The following RSU1 variants were observed in gnomAD, a reference collection of about 807,000 sequenced individuals.
RSU1 encodes rsu-1.
RSU1 carries 26 observed loss-of-function variants against 31.1 expected under a neutral mutation model. The ratio of observed to expected loss-of-function variants is 0.84; its 90% CI spans 0.61 to 1.16. The LOEUF is 1.16. Ranked by LOEUF, RSU1 falls within the 50% of genes most tolerant of loss-of-function variation. The probability of loss-of-function intolerance (pLI) is 0.00; values close to 1 mark genes in which losing one functional copy is unlikely to be tolerated. For synonymous variants in RSU1, 164 were observed against 136.3 expected (o/e 1.20, Z -1.41); for missense variants, 320 against 339.1 (o/e 0.94, Z 0.44).
intron 8 of RSU1, among the ~76,000 whole-genome samples, chr10:16,664,703 T>C (rs541998773): frequency 6.6e-6 from 1 of 152,324 alleles, no homozygotes; most frequent in South Asian, 2.1e-4. Context: ...AACTCTACTA[T>C]AATTTAATTA....
intron 8 of RSU1, among the ~76,000 whole-genome samples, chr10:16,688,389 G>A (rs1357927670): frequency 1.3e-5 from 2 of 152,028 alleles, no homozygotes; most frequent in African/African-American, 4.8e-5. Context: ...GACGGGTCAC[G>A]AGGTCAGGAG....
intron 8 of RSU1, among the ~76,000 whole-genome samples, chr10:16,594,770 A>T (rs557466007): frequency 6.9e-6 from 1 of 145,330 alleles, no homozygotes; most frequent in South Asian, 2.1e-4. Context: ...ATTATCTATT[A>T]TATATCATAT....
chr10:16,672,034 C>T (rs902524877), intron 8 of RSU1, among the ~76,000 whole-genome samples: 6 of 150,764 alleles, frequency 4.0e-5, no homozygotes, highest in East Asian at 2.0e-4. Flanking sequence ...CGCGGTGGCT[C>T]ATGCCTGTAA....
At chr10:16,641,502 A>AAAAG (rs1554762078) in intron 8 of RSU1, among the ~76,000 whole-genome samples, 2,416 of 150,858 alleles carry the variant, frequency 0.016, 34 homozygotes, top group Non-Finnish European at 0.026. Flanking sequence ...AAAAAAAAAA[A>AAAAG]AAAAAATTAA....
At chr10:16,799,906 T>A (rs1838115249) in intron 2 of RSU1, among the ~76,000 whole-genome samples, 1 of 152,124 alleles carries the variant, frequency 6.6e-6, no homozygotes, top group South Asian at 2.1e-4. Context: ...ACAGGCTCAC[T>A]AGAGAGATCT....
intron 8 of RSU1, 88 bp downstream of exon 8, chr10:16,694,934 AG>A (rs1477270923): frequency 6.3e-5 from 78 of 1,242,632 alleles, no homozygotes; most frequent in Non-Finnish European, 8.4e-5. Context: ...TGCCATCAAT[AG>A]GATACTGTCA....
chr10:16,792,496 G>A (rs1011492420), intron 2 of RSU1, among the ~76,000 whole-genome samples: 8 of 152,186 alleles, frequency 5.3e-5, no homozygotes, highest in South Asian at 2.1e-4. Flanking sequence ...CTCCCAAAGC[G>A]CTGGGATTAC....
chr10:16,709,680 T>G (rs371148408), intron 7 of RSU1, among the ~76,000 whole-genome samples: 1 of 152,228 alleles, frequency 6.6e-6, no homozygotes, highest in African/African-American at 2.4e-5. Context: ...TTTTTAACGA[T>G]TGCCATTCTA....
intron 7 of RSU1, among the ~76,000 whole-genome samples, chr10:16,734,698 A>G (rs1210572194): frequency 6.6e-6 from 1 of 152,240 alleles, no homozygotes; most frequent in Non-Finnish European, 1.5e-5. Context: ...ACAATGCAAC[A>G]GTATCACAGG....
chr10:16,684,009 G>A (rs1332099498), intron 8 of RSU1, among the ~76,000 whole-genome samples: 1 of 152,196 alleles, frequency 6.6e-6, no homozygotes, highest in African/African-American at 2.4e-5. Context: ...CAAGATTCTT[G>A]AAGTGTCATA....
chr10:16,677,899 C>T (rs1180585592), intron 8 of RSU1, among the ~76,000 whole-genome samples: 1 of 151,944 alleles, frequency 6.6e-6, no homozygotes, highest in African/African-American at 2.4e-5. Context: ...TGGGAATGCA[C>T]AAGAACAGAT....
rs77188976 is a variant in RSU1 at position 16,684,239 on chromosome 10, G to C, written c.731+10784C>G. Reference sequence around the variant, plus strand: ...CAAAGAAACATGTTTTGGGGTAAACGATTTTTATTTTCTTCTTTGTCACAT... The same window carrying C: ...CAAAGAAACATGTTTTGGGGTAAACCATTTTTATTTTCTTCTTTGTCACAT... On this transcript the variant is annotated intron_variant, in intron 8 of 8. Transcript: ENST00000345264. Among the ~76,000 whole-genome samples the C allele has an allele frequency of 2.5e-3, 377 of 152,274 alleles. 3 individuals are homozygous for C. The highest frequency in any genetic ancestry group is 8.5e-3 in the African/African-American group (353 of 41,558).
At chr10:16,763,203 T>TG (rs1331403890) in intron 4 of RSU1, among the ~76,000 whole-genome samples, 1 of 152,148 alleles carries the variant, frequency 6.6e-6, no homozygotes, top group Non-Finnish European at 1.5e-5. Flanking sequence ...CAGTTCCGGT[T>TG]GGGGTCTATG....
Position 16,817,329 on chromosome 10 carries a change from C to T in RSU1, c.-18G>A. 2 of 485,900 alleles carry T rather than the reference C, an allele frequency of 4.1e-6. No homozygotes were observed. Among genetic ancestry groups the T allele is most frequent in the South Asian group, 2.6e-5 (1 of 38,494 alleles). 30.1% of individuals were successfully genotyped at this position (485,900 alleles called of 1,614,324 possible). On this transcript the variant is annotated 5_prime_UTR_variant, in exon 1 of 9. Coordinates refer to ENST00000345264, the MANE Select transcript of RSU1 (RefSeq NM_012425.4). ...CACACACTCACCACGGAAGGTAGCC[C>T]CTAAGACGATGGGCGTGCAACCACA...
intron 7 of RSU1, among the ~76,000 whole-genome samples, chr10:16,724,376 C>G (rs1393421881): frequency 6.6e-6 from 1 of 152,186 alleles, no homozygotes; most frequent in Non-Finnish European, 1.5e-5. Context: ...TCCAACACCA[C>G]AAACTATAAT....
At chr10:16,684,323 C>T (rs890428508) in intron 8 of RSU1, among the ~76,000 whole-genome samples, 1 of 152,048 alleles carries the variant, frequency 6.6e-6, no homozygotes, top group Non-Finnish European at 1.5e-5. Context: ...TAAATAAAAC[C>T]CATCTGATAA....
In RSU1 at chr10:16,724,828, A is replaced by T. The variant is rs117343063; in HGVS notation, c.598+27711T>A. On this transcript the variant is annotated intron_variant, in intron 7 of 8. Transcript: ENST00000345264. ...TAGGGCTGACACACAGATAATTCAC[A>T]TATCATGGGAGCAAGGAAAATGAAT... Among the ~76,000 whole-genome samples the T allele has an allele frequency of 4.1e-3, 622 of 152,372 alleles. 3 individuals are homozygous for T. In the East Asian group the frequency reaches 0.047, roughly 11 times the overall value.
At chr10:16,654,105 C>G (rs901364450) in intron 8 of RSU1, among the ~76,000 whole-genome samples, 1 of 151,770 alleles carries the variant, frequency 6.6e-6, no homozygotes, top group Non-Finnish European at 1.5e-5. Flanking sequence ...CGGGCTCAAG[C>G]GATTCTCTTG....
intron 8 of RSU1, among the ~76,000 whole-genome samples, chr10:16,650,483 C>T (rs1360864433): frequency 1.3e-5 from 2 of 150,128 alleles, no homozygotes; most frequent in Non-Finnish European, 3.0e-5. Context: ...AAGAGACTTA[C>T]AAGTAGACAG....
Sources: gnomAD v4.1 joint callset for allele counts (sites outside exome capture counted in the v4.1 genomes callset) on GRCh38, gnomAD v4.1.1 for gene constraint, MANE v1.5 for transcripts, NCBI Gene and HGNC (gene_info 2026-07-23, HGNC 2026-07-21) for gene names.